Variants in ROBO1 observed in about 807,000 individuals in gnomAD.
ROBO1 encodes roundabout guidance receptor 1.
In ROBO1, 149 loss-of-function variants were observed where a neutral mutation model predicts 195.9. The ratio of observed to expected loss-of-function variants is 0.76; its 90% CI spans 0.67 to 0.87. The LOEUF is 0.87. ROBO1 is among the 40% of genes least tolerant of loss of function. The pLI is 0.00. For synonymous variants in ROBO1, 816 were observed against 733.2 expected (o/e 1.11, Z -1.82); for missense variants, 1,933 against 2,068.3 (o/e 0.93, Z 1.27).
At chr3:78,685,678 C>A in intron 10 of ROBO1, 68 bp downstream of exon 10, 2 of 1,116,346 alleles carry the variant, frequency 1.8e-6, no homozygotes, top group Non-Finnish European at 2.5e-6. Context: ...ATAAATATAT[C>A]TACTGGCACC....
At chr3:78,709,437 T>C (rs770298225) in intron 8 of ROBO1, among the ~76,000 whole-genome samples, 3 of 152,172 alleles carry the variant, frequency 2.0e-5, no homozygotes, top group Non-Finnish European at 2.9e-5. Flanking sequence ...AGAAAAAATA[T>C]ATTTTTAGCC....
At chr3:79,159,853 C>T (rs974195330) in intron 2 of ROBO1, among the ~76,000 whole-genome samples, 1 of 151,994 alleles carries the variant, frequency 6.6e-6, no homozygotes, top group Admixed American at 6.6e-5. Context: ...GGTATGGTGC[C>T]AGTCAAAGCC....
At chr3:79,394,944 A>G (rs1252123930) in intron 2 of ROBO1, among the ~76,000 whole-genome samples, 4 of 152,218 alleles carry the variant, frequency 2.6e-5, no homozygotes, top group African/African-American at 9.6e-5. Context: ...GAGGCACAAA[A>G]TTTAATTTTA....
At chr3:79,049,534 G>C (rs746427606) in intron 3 of ROBO1, among the ~76,000 whole-genome samples, 13 of 152,042 alleles carry the variant, frequency 8.6e-5, no homozygotes, top group Non-Finnish European at 1.5e-4. Flanking sequence ...TTCAAATTCA[G>C]GAAATACAAA....
chr3:79,019,116 GA>G, intron 3 of ROBO1: 1 of 986,414 alleles, frequency 1.0e-6, no homozygotes, highest in Non-Finnish European at 1.2e-6. Flanking sequence ...GGGGGATGCG[GA>G]GGGTACTGGA....
At chr3:78,645,748 T>C (rs1706238643) in intron 21 of ROBO1, among the ~76,000 whole-genome samples, 1 of 152,126 alleles carries the variant, frequency 6.6e-6, no homozygotes, top group Non-Finnish European at 1.5e-5. Context: ...TAAACAAACA[T>C]AACCTACAAC....
chr3:79,344,732 G>T (rs918417278), intron 2 of ROBO1, among the ~76,000 whole-genome samples: 1 of 152,088 alleles, frequency 6.6e-6, no homozygotes, highest in African/African-American at 2.4e-5. Context: ...GAGAGAGAGA[G>T]AGAGAGGGTG....
At chr3:78,743,309 C>T (rs530726259) in intron 5 of ROBO1, among the ~76,000 whole-genome samples, 17 of 152,034 alleles carry the variant, frequency 1.1e-4, no homozygotes, top group Non-Finnish European at 1.9e-4. Flanking sequence ...TTGTTAAATC[C>T]AGTGGTGAAT....
At chr3:79,549,194 C>T (rs574780235) in intron 2 of ROBO1, among the ~76,000 whole-genome samples, 2 of 152,154 alleles carry the variant, frequency 1.3e-5, no homozygotes, top group Non-Finnish European at 2.9e-5. Context: ...ATTCACTGTA[C>T]ATCTACTGAG....
intron 3 of ROBO1, among the ~76,000 whole-genome samples, chr3:79,117,504 T>C (rs576738027): frequency 6.6e-6 from 1 of 152,138 alleles, no homozygotes; most frequent in African/African-American, 2.4e-5. Flanking sequence ...GGAATCTGAG[T>C]GACCATGTTG....
chr3:79,476,574 ACTC>A (rs1425571322), intron 2 of ROBO1, among the ~76,000 whole-genome samples: 3 of 152,062 alleles, frequency 2.0e-5, no homozygotes, highest in African/African-American at 7.2e-5. Flanking sequence ...ATGGAATACT[ACTC>A]AGCCATAAAA....
chr3:79,605,881 G>A (rs928837938), intron 1 of ROBO1, among the ~76,000 whole-genome samples: 8 of 151,548 alleles, frequency 5.3e-5, no homozygotes, highest in African/African-American at 1.9e-4. Context: ...CACTCTTCAA[G>A]AACAACAAGG....
Position 79,760,236 on chromosome 3 carries a change from C to CAAAAAAAAAAAAAAAAAAAAAAAA in ROBO1, c.-51+7492_-51+7515dup, listed in dbSNP as rs11451206. ...TGGGTGAGACAGTGAGACCCTATCT[C>CAAAAAAAAAAAAAAAAAAAAAAAA]AAAAAAAAAAAAAAAAAAAAAAAAA... On this transcript the variant is annotated intron_variant, in intron 1 of 30. Coordinates refer to ENST00000464233, the MANE Select transcript of ROBO1 (RefSeq NM_002941.4). Among the ~76,000 whole-genome samples, 2 of 4,514 alleles carry CAAAAAAAAAAAAAAAAAAAAAAAA rather than the reference C, an allele frequency of 4.4e-4. 1 individual carries two copies. The highest frequency in any genetic ancestry group is 8.6e-4 in the Non-Finnish European group (2 of 2,330). 3.0% of individuals were successfully genotyped at this position (4,514 alleles called of 152,430 possible).
intron 2 of ROBO1, among the ~76,000 whole-genome samples, chr3:79,275,446 A>C (rs1046999556): frequency 2.0e-5 from 3 of 151,996 alleles, no homozygotes; most frequent in Admixed American, 6.6e-5. Flanking sequence ...CATGAAAAAA[A>C]CCCTCAAAAA....
intron 20 of ROBO1, among the ~76,000 whole-genome samples, 174 bp downstream of exon 20, chr3:78,647,455 C>T (rs1308860640): frequency 6.6e-5 from 10 of 151,994 alleles, no homozygotes; most frequent in African/African-American, 9.7e-5. Flanking sequence ...TGAAAAGCAA[C>T]ACCAACCATT....
intron 3 of ROBO1, among the ~76,000 whole-genome samples, chr3:79,098,430 T>C (rs74719498): frequency 0.011 from 1,622 of 151,916 alleles, 34 homozygotes; most frequent in African/African-American, 0.037. Flanking sequence ...GTATTAGGCA[T>C]GCTGAAAAAA....
At position 79,508,126 on chromosome 3, in the gene ROBO1, A is replaced by G. The variant is rs56978603; in HGVS notation, c.88+81698T>C. On this transcript the variant is annotated intron_variant, in intron 2 of 30. Coordinates refer to ENST00000464233, the MANE Select transcript of ROBO1 (RefSeq NM_002941.4). ...TTGGGGGGTGGGGAGCTTGGGGAGG[A>G]ATAGCATTAGGACAAATACCTAATG... Among the ~76,000 whole-genome samples the G allele has an allele frequency of 5.4e-3, 821 of 152,114 alleles. 8 individuals are homozygous for G. Among genetic ancestry groups the G allele is most frequent in the African/African-American group, 0.019 (784 of 41,480 alleles).
At chr3:78,950,980 C>A (rs148161351) in intron 3 of ROBO1, among the ~76,000 whole-genome samples, 1 of 151,642 alleles carries the variant, frequency 6.6e-6, no homozygotes, top group Non-Finnish European at 1.5e-5. Context: ...TGGTTTCTAA[C>A]TTTTTTTCTG....
intron 3 of ROBO1, among the ~76,000 whole-genome samples, chr3:78,976,435 C>T (rs2076886738): frequency 6.6e-6 from 1 of 152,178 alleles, no homozygotes; most frequent in African/African-American, 2.4e-5. Context: ...TTATCAGGAA[C>T]CTATGAGACT....
Sources: gnomAD v4.1 joint callset for allele counts (sites outside exome capture counted in the v4.1 genomes callset) on GRCh38, gnomAD v4.1.1 for gene constraint, MANE v1.5 for transcripts, NCBI Gene and HGNC (gene_info 2026-07-23, HGNC 2026-07-21) for gene names.